CCDC149: variants seen among roughly 807,000 people sequenced by gnomAD.
CCDC149 encodes the protein coiled-coil domain-containing protein 149.
Under a neutral mutation model 59.9 loss-of-function variants are expected in CCDC149, and 45 were observed. The ratio of observed to expected loss-of-function variants is 0.75; its 90% confidence interval spans 0.59 to 0.96. The LOEUF (loss-of-function observed/expected upper bound fraction) is 0.96. Ranked by LOEUF, CCDC149 falls within the 40% of genes least tolerant of loss-of-function variation. CCDC149 has a pLI of 0.00. For synonymous variants in CCDC149, 245 were observed against 260.6 expected (o/e 0.94, Z 0.58); for missense variants, 584 against 664.7 (o/e 0.88, Z 1.33).
intron 1 of CCDC149, among the ~76,000 whole-genome samples, chr4:24,896,953 T>C (rs898028268): frequency 6.6e-6 from 1 of 152,222 alleles, no homozygotes; most frequent in African/African-American, 2.4e-5. Context: ...CTTTTAGATT[T>C]TTCCACTATA....
intron 3 of CCDC149, among the ~76,000 whole-genome samples, chr4:24,870,889 C>T (rs974407246): frequency 1.3e-5 from 2 of 151,602 alleles, no homozygotes; most frequent in Non-Finnish European, 2.9e-5. Context: ...ACTAAAAATA[C>T]AAAAAATTAG....
intron 1 of CCDC149, among the ~76,000 whole-genome samples, chr4:24,906,761 G>C (rs1560249875): frequency 1.3e-5 from 2 of 152,094 alleles, no homozygotes; most frequent in East Asian, 1.9e-4. Context: ...ACCATGCCCA[G>C]AACAGTGAAA....
rs566980740 is a variant in CCDC149 at position 24,834,159 on chromosome 4, T to C, written c.820+789A>G. 7.2e-5 allele frequency among the ~76,000 whole-genome samples: 11 copies of C among 152,366 alleles called. No individual in the cohort carries two copies. In the East Asian group the frequency reaches 1.4e-3, roughly 19 times the overall value. ...GCTTGGAAAAGAGCCTTGGTTGTTA[T>C]GTAGGCTGGAGACTCAGCACTTTTT... is the stretch of plus-strand genomic sequence containing the variant. On this transcript the variant is annotated intron_variant, in intron 8 of 12. Coordinates refer to ENST00000635206, the MANE Select transcript of CCDC149 (RefSeq NM_001330643.2).
intron 12 of CCDC149, among the ~76,000 whole-genome samples, chr4:24,812,813 T>C (rs1027770434): frequency 6.6e-6 from 1 of 152,208 alleles, no homozygotes; most frequent in East Asian, 1.9e-4. Flanking sequence ...AGAGGAACTC[T>C]CATTTATGAA....
chr4:24,934,785 A>C (rs1722692936), intron 1 of CCDC149, among the ~76,000 whole-genome samples: 1 of 152,206 alleles, frequency 6.6e-6, no homozygotes, highest in Non-Finnish European at 1.5e-5. Context: ...AGAAACACTT[A>C]GTGTCTTTGA....
At position 24,819,925 on chromosome 4, in the gene CCDC149, T is replaced by C. The variant is rs761481923; in HGVS notation, c.1126A>G (p.Arg376Gly). The C allele has an allele frequency of 7.7e-6, 12 of 1,551,318 alleles. No homozygotes were observed. The highest frequency in any genetic ancestry group is 1.4e-5 in the African/African-American group (1 of 72,934). ...AACTTCAGCAGTGGGGATCTCGACC[T>C]CTGTCCACTAGGAAGAGTGGGGTCG... The change falls in exon 12 of 13, where the codon AGG (arginine) becomes GGG (glycine). Residue 376 changes from arginine to glycine, a missense_variant. Transcript: ENST00000635206.
intron 2 of CCDC149, among the ~76,000 whole-genome samples, chr4:24,874,270 T>TG (rs1719267724): frequency 2.2e-5 from 1 of 45,252 alleles, no homozygotes; most frequent in Non-Finnish European, 5.5e-5. Flanking sequence ...GTTTTGTTTT[T>TG]TTTTGTTTTT....
rs574518267 is a variant in CCDC149 at position 24,880,028 on chromosome 4, T to C, written c.64-3331A>G. 2.2e-4 allele frequency among the ~76,000 whole-genome samples: 33 copies of C among 152,310 alleles called. 1 individual carries two copies. In the South Asian group the frequency reaches 6.4e-3, roughly 30 times the overall value. ...GAGTGTCTGTGCCATCTTTTGTAGC[T>C]TTTGGGATTCTAAACAAGTACAAAC... On this transcript the variant is annotated intron_variant, in intron 1 of 12. Transcript: ENST00000635206.
At chr4:24,966,609 G>T (rs1723811398) in intron 1 of CCDC149, among the ~76,000 whole-genome samples, 1 of 152,190 alleles carries the variant, frequency 6.6e-6, no homozygotes, top group Non-Finnish European at 1.5e-5. Flanking sequence ...CACAGATGTG[G>T]ATAGATTTGA....
intron 4 of CCDC149, among the ~76,000 whole-genome samples, chr4:24,838,996 A>C: frequency 6.8e-6 from 1 of 147,178 alleles, no homozygotes; most frequent in Non-Finnish European, 1.5e-5. Flanking sequence ...AAATTATACT[A>C]AGAACTCTCT....
upstream of CCDC149, among the ~76,000 whole-genome samples, chr4:24,914,593 C>T (rs937761976): frequency 4.1e-5 from 6 of 147,246 alleles, no homozygotes; most frequent in African/African-American, 1.5e-4. Context: ...CACCCCCACC[C>T]GCACAGCTGA....
chr4:24,810,059 C>T lies in CCDC149; in HGVS notation c.1193-1240G>A, dbSNP rs79813639. 4.6e-3 allele frequency among the ~76,000 whole-genome samples: 696 copies of T among 152,294 alleles called. 6 individuals carry two copies. The highest frequency in any genetic ancestry group is 0.016 in the African/African-American group (656 of 41,570). ...CCTCATTTCACACAGTTTCATCACA[C>T]GTGTCCTCCCAGCCATGTCACGCAC... is the stretch of plus-strand genomic sequence containing the variant. On this transcript the variant is annotated intron_variant, in intron 12 of 12. Transcript: ENST00000635206.
intron 3 of CCDC149, among the ~76,000 whole-genome samples, chr4:24,871,210 G>C (rs1322079311): frequency 1.3e-5 from 2 of 152,052 alleles, no homozygotes; most frequent in African/African-American, 4.8e-5. Context: ...ATGAATGAAT[G>C]GGTAACCATA....
chr4:24,947,588 G>A (rs1723154170), intron 1 of CCDC149, among the ~76,000 whole-genome samples: 1 of 152,134 alleles, frequency 6.6e-6, no homozygotes, highest in South Asian at 2.1e-4. Context: ...CTCCCATGAA[G>A]TCCTCCCCAC....
chr4:24,970,385 G>A (rs1222761507), intron 1 of CCDC149, among the ~76,000 whole-genome samples: 2 of 152,226 alleles, frequency 1.3e-5, no homozygotes, highest in African/African-American at 4.8e-5. Flanking sequence ...ACGCAATGCA[G>A]CAAATTTTGG....
At chr4:24,906,376 T>TTTTTATTTTATTTA (rs66808189) in intron 1 of CCDC149, among the ~76,000 whole-genome samples, 1 of 112,376 alleles carries the variant, frequency 8.9e-6, no homozygotes, top group African/African-American at 3.2e-5. Flanking sequence ...TTTTATTTTA[T>TTTTTATTTTATTTA]TTTATTTTAT....
intron 4 of CCDC149, among the ~76,000 whole-genome samples, chr4:24,847,826 C>G (rs1717399107): frequency 6.6e-6 from 1 of 152,212 alleles, no homozygotes. Flanking sequence ...CTATCTTTTC[C>G]TAGAGTCCAA....
At chr4:24,859,915 T>A (rs1247825944) in intron 3 of CCDC149, among the ~76,000 whole-genome samples, 1 of 152,176 alleles carries the variant, frequency 6.6e-6, no homozygotes, top group Non-Finnish European at 1.5e-5. Context: ...TAAGGAAAAC[T>A]ACAAAGTACT....
chr4:24,874,244 G>GTTTTTTTTTTTTTTGTTTTTTT (rs1719242804), intron 2 of CCDC149, among the ~76,000 whole-genome samples: 12 of 87,488 alleles, frequency 1.4e-4, no homozygotes, highest in African/African-American at 5.8e-4. Context: ...TATTAGATTT[G>GTTTTTTTTTTTTTTGTTTTTTT]TTTTTTTTTT....
Sources: gnomAD v4.1 joint callset for allele counts (sites outside exome capture counted in the v4.1 genomes callset) on GRCh38, gnomAD v4.1.1 for gene constraint, MANE v1.5 for transcripts, NCBI Gene and HGNC (gene_info 2026-07-23, HGNC 2026-07-21) for gene names.